MRPS35: variants seen among roughly 807,000 people sequenced by gnomAD.
MRPS35 encodes the protein small ribosomal subunit protein mS35.
MRPS35 carries 29 observed loss-of-function variants against 32.7 expected under a neutral mutation model. The ratio of observed to expected loss-of-function variants is 0.89; its 90% CI spans 0.66 to 1.21. MRPS35 has a LOEUF of 1.21. Among genes scored for constraint, MRPS35 ranks in the 50% most tolerant of loss-of-function variants. MRPS35 has a pLI of 0.00. For synonymous variants in MRPS35, 148 were observed against 139.3 expected (o/e 1.06, Z -0.44); for missense variants, 373 against 383.8 (o/e 0.97, Z 0.23).
intron 4 of MRPS35, among the ~76,000 whole-genome samples, chr12:27,723,185 T>C (rs2061884022): frequency 6.6e-6 from 1 of 152,210 alleles, no homozygotes. Context: ...AGCTGAAAGT[T>C]CTCTGCCATG....
At chr12:27,725,426 A>T (rs2061895785) in intron 5 of MRPS35, among the ~76,000 whole-genome samples, 1 of 152,224 alleles carries the variant, frequency 6.6e-6, no homozygotes, top group East Asian at 1.9e-4. Flanking sequence ...GGTTTTCTTT[A>T]TTAGAAAAAT....
chr12:27,747,940 C>T (rs1468145462), intron 7 of MRPS35, among the ~76,000 whole-genome samples: 1 of 152,176 alleles, frequency 6.6e-6, no homozygotes, highest in Non-Finnish European at 1.5e-5. Flanking sequence ...GCAAATTATT[C>T]AGTTGCTCTG....
chr12:27,742,785 T>G (rs1246680275), intron 7 of MRPS35, among the ~76,000 whole-genome samples: 1 of 152,204 alleles, frequency 6.6e-6, no homozygotes, highest in Admixed American at 6.5e-5. Context: ...GAAAAAGTAC[T>G]TCTCACTATT....
intron 7 of MRPS35, among the ~76,000 whole-genome samples, chr12:27,741,506 A>G (rs2061964702): frequency 2.0e-5 from 3 of 152,176 alleles, no homozygotes; most frequent in Admixed American, 1.3e-4. Context: ...AGAATTTTAA[A>G]TTCATGGTTT....
chr12:27,723,779 A>C (rs540012551), intron 4 of MRPS35, among the ~76,000 whole-genome samples: 1 of 152,368 alleles, frequency 6.6e-6, no homozygotes, highest in Non-Finnish European at 1.5e-5. Context: ...ATAAGCTTCC[A>C]TCAAGGCACA....
intron 3 of MRPS35, among the ~76,000 whole-genome samples, chr12:27,717,637 A>C (rs1245048762): frequency 1.3e-5 from 2 of 152,222 alleles, no homozygotes; most frequent in East Asian, 1.9e-4. Context: ...GGAAATGGGA[A>C]TGTGAAGACA....
chr12:27,754,859 A>G (rs889862232), intron 7 of MRPS35, among the ~76,000 whole-genome samples: 3 of 152,138 alleles, frequency 2.0e-5, no homozygotes, highest in Admixed American at 2.0e-4. Context: ...GGAAAACAGC[A>G]TATCTTTGTA....
At chr12:27,711,395 G>A (rs963677590) in intron 1 of MRPS35, among the ~76,000 whole-genome samples, 21 of 152,286 alleles carry the variant, frequency 1.4e-4, no homozygotes, top group African/African-American at 5.1e-4. Context: ...CATTCAACAG[G>A]CGTTGATGAC....
intron 1 of MRPS35, 50 bp from the exon 2 acceptor site, chr12:27,714,730 C>G: frequency 7.1e-7 from 1 of 1,411,868 alleles, no homozygotes; most frequent in Non-Finnish European, 9.9e-7. Flanking sequence ...GAACAACTAA[C>G]TTGACATGAT....
At chr12:27,714,436 A>G (rs1471531321) in intron 1 of MRPS35, among the ~76,000 whole-genome samples, 1 of 151,982 alleles carries the variant, frequency 6.6e-6, no homozygotes, top group South Asian at 2.1e-4. Flanking sequence ...AAATACAAAA[A>G]TTAGCCAGGT....
At chr12:27,741,334 A>C (rs931715721) in intron 7 of MRPS35, among the ~76,000 whole-genome samples, 1 of 140,786 alleles carries the variant, frequency 7.1e-6, no homozygotes, top group South Asian at 2.2e-4. Flanking sequence ...CCTGTGTAAT[A>C]GCCTCGACTA....
rs2061866178 is a variant in MRPS35 at position 27,719,822 on chromosome 12, G to T, written c.336G>T (p.Leu112=). 6.2e-7 allele frequency: 1 copy of T among 1,604,312 alleles called. No homozygotes were observed. ...CTCTATTTAAGATTCCCAATTTTCT[G>T]CATTTGACTCCTGTAGCAATTAAAA... ...NLELLKIPNF[L]HLTPVAIKKH... Residue 112 remains leucine, a synonymous_variant, in exon 4 of 8, where the codon CTG becomes CTT. Coordinates refer to ENST00000081029, the MANE Select transcript of MRPS35 (RefSeq NM_021821.4).
At chr12:27,719,630 C>T (rs975209643) in intron 3 of MRPS35, among the ~76,000 whole-genome samples, 178 bp from the exon 4 acceptor site, 1 of 147,936 alleles carries the variant, frequency 6.8e-6, no homozygotes, top group Non-Finnish European at 1.5e-5. Context: ...TGCGCCACTG[C>T]AGTCCGCAGT....
chr12:27,718,791 A>G (rs186042273), intron 3 of MRPS35, among the ~76,000 whole-genome samples: 72 of 152,346 alleles, frequency 4.7e-4, no homozygotes, highest in Non-Finnish European at 7.5e-4. Context: ...TGATTAAACA[A>G]TGATCCATAT....
intron 5 of MRPS35, among the ~76,000 whole-genome samples, chr12:27,733,052 C>A (rs1008486264): frequency 4.9e-5 from 6 of 123,198 alleles, no homozygotes; most frequent in African/African-American, 1.9e-4. Flanking sequence ...CCAGCACCTC[C>A]TGTGATTTGA....
chr12:27,731,878 T>G (rs2061923465), intron 5 of MRPS35, among the ~76,000 whole-genome samples: 1 of 152,210 alleles, frequency 6.6e-6, no homozygotes, highest in African/African-American at 2.4e-5. Context: ...CTGTGCCATC[T>G]TTATGAAGTG....
At chr12:27,726,315 G>A (rs1240801450) in intron 5 of MRPS35, among the ~76,000 whole-genome samples, 1 of 152,016 alleles carries the variant, frequency 6.6e-6, no homozygotes, top group East Asian at 1.9e-4. Flanking sequence ...ATCTGTTGTA[G>A]CATGTATTAT....
chr12:27,715,246 C>T (rs2061844854), intron 2 of MRPS35, among the ~76,000 whole-genome samples: 1 of 152,212 alleles, frequency 6.6e-6, no homozygotes, highest in Admixed American at 6.5e-5. Flanking sequence ...AGTGGTTCTC[C>T]TGCCTCAGCC....
At chr12:27,725,798 CTTTTTTT>C (rs1176188580) in intron 5 of MRPS35, 5 of 68,246 alleles carry the variant, frequency 7.3e-5, no homozygotes, top group Non-Finnish European at 9.6e-5. Context: ...CCTTGTATAC[CTTTTTTT>C]TTTTTTTTTT....
Sources: allele counts gnomAD v4.1 joint callset (sites outside exome capture counted in the v4.1 genomes callset), GRCh38; gene constraint gnomAD v4.1.1; transcripts MANE v1.5; gene names NCBI Gene and HGNC (gene_info 2026-07-23, HGNC 2026-07-21).